IKZF1: variants seen among roughly 807,000 people sequenced by gnomAD.
IKZF1 encodes the protein IKAROS family zinc finger 1, also known as DNA-binding protein Ikaros.
IKZF1 carries 10 observed loss-of-function variants against 51.7 expected under a neutral mutation model. That is an observed-to-expected ratio of 0.19 (90% CI 0.12 to 0.33). The LOEUF is 0.33. Among genes scored for constraint, IKZF1 ranks in the 10% least tolerant of loss-of-function variants. IKZF1 has a pLI of 1.00. For synonymous variants in IKZF1, 280 were observed against 282.3 expected, an observed-to-expected ratio of 0.99 and a Z score of 0.08; for missense variants, 484 against 707.5, an observed-to-expected ratio of 0.68 and a Z score of 3.58.
chr7:50,331,770 G>A (rs1347815420), intron 3 of IKZF1, among the ~76,000 whole-genome samples: 2 of 152,336 alleles, frequency 1.3e-5, no homozygotes, highest in Admixed American at 1.3e-4. Flanking sequence ...TTGGGGAGAA[G>A]GAGACAGAGC....
chr7:50,363,144 G>A (rs1046012807), intron 3 of IKZF1, among the ~76,000 whole-genome samples: 2 of 152,202 alleles, frequency 1.3e-5, no homozygotes, highest in Non-Finnish European at 2.9e-5. Context: ...CTGGGTCTGG[G>A]GGAAAAGATG....
chr7:50,316,195 TC>T (rs1934535622), intron 1 of IKZF1, among the ~76,000 whole-genome samples: 1 of 152,118 alleles, frequency 6.6e-6, no homozygotes, highest in Non-Finnish European at 1.5e-5. Flanking sequence ...GCCACAGAAT[TC>T]ACAGGGCTCA....
At chr7:50,387,794 A>C (rs1020025107) in intron 6 of IKZF1, among the ~76,000 whole-genome samples, 6 of 152,264 alleles carry the variant, frequency 3.9e-5, no homozygotes, top group Non-Finnish European at 7.3e-5. Flanking sequence ...ACAACAACAA[A>C]AAAAACACCT....
chr7:50,320,406 A>C (rs1792881284), intron 2 of IKZF1, among the ~76,000 whole-genome samples: 1 of 152,236 alleles, frequency 6.6e-6, no homozygotes, highest in South Asian at 2.1e-4. Context: ...CATATTCATC[A>C]TCTCAAACAT....
rs11980379 is a variant in IKZF1 at position 50,402,283 on chromosome 7, T to C, written c.*1656T>C. ...CAACAGAGAGGAAATTGTACATAAG[T>C]ACCTCAGCATTTAATCCAAACAGGG... On this transcript the variant is annotated 3_prime_UTR_variant, in exon 8 of 8. Coordinates refer to ENST00000331340, the MANE Select transcript of IKZF1 (RefSeq NM_006060.6). The C allele has an allele frequency of 0.24, 55,551 of 230,314 alleles. 7,130 individuals are homozygous for C. The highest frequency in any genetic ancestry group is 0.29 in the South Asian group (1,587 of 5,518). 14.3% of individuals were successfully genotyped at this position (230,314 alleles called of 1,614,324 possible). A position where few individuals can be genotyped will look rare whatever the true frequency, so the allele number is the denominator to read the frequency against.
chr7:50,357,883 T>G (rs1358414314), intron 3 of IKZF1, among the ~76,000 whole-genome samples: 1 of 152,234 alleles, frequency 6.6e-6, no homozygotes, highest in Non-Finnish European at 1.5e-5. Context: ...CTGTCTTACC[T>G]GGTCTTAGGC....
intron 3 of IKZF1, among the ~76,000 whole-genome samples, chr7:50,334,612 A>G (rs1696761724): frequency 1.3e-5 from 2 of 148,994 alleles, no homozygotes; most frequent in Non-Finnish European, 1.5e-5. Context: ...TGTGTAGTGT[A>G]TGTGTGTGCT....
At chr7:50,334,965 G>T (rs1419251006) in intron 3 of IKZF1, among the ~76,000 whole-genome samples, 1 of 150,642 alleles carries the variant, frequency 6.6e-6, no homozygotes, top group Non-Finnish European at 1.5e-5. Flanking sequence ...TGTGGTGTGT[G>T]TGCAAGTAAT....
chr7:50,376,946 T>A lies in IKZF1; in HGVS notation c.421+153T>A. The A allele has an allele frequency of 7.7e-7, 1 of 1,303,238 alleles. No individual in the cohort carries two copies. The highest frequency in any genetic ancestry group is 1.0e-6 in the Non-Finnish European group (1 of 968,352). 80.7% of individuals were successfully genotyped at this position (1,303,238 alleles called of 1,614,324 possible). On this transcript the variant is annotated intron_variant, in intron 4 of 7. Coordinates refer to ENST00000331340, the MANE Select transcript of IKZF1 (RefSeq NM_006060.6). The surrounding 1 kb of genome is among the most constrained non-coding windows in gnomAD (Gnocchi z 4.5). Reference sequence around the variant, plus strand: ...GCGATTGGTTCCAAGTGGTACCGAGTCATAGAGTCCTTGTTCTGGTACAGC... The same window carrying A: ...GCGATTGGTTCCAAGTGGTACCGAGACATAGAGTCCTTGTTCTGGTACAGC...
intron 3 of IKZF1, among the ~76,000 whole-genome samples, chr7:50,355,452 A>G (rs908677485): frequency 6.6e-6 from 1 of 152,160 alleles, no homozygotes; most frequent in Admixed American, 6.5e-5. Context: ...CGAGAGCACA[A>G]GAGAGTCCTG....
At chr7:50,346,353 C>A (rs765212009) in intron 3 of IKZF1, among the ~76,000 whole-genome samples, 1 of 152,178 alleles carries the variant, frequency 6.6e-6, no homozygotes, top group Non-Finnish European at 1.5e-5. Flanking sequence ...GTTACAAAAG[C>A]CCTGAACTAA....
At chr7:50,353,169 C>G (rs933577174) in intron 3 of IKZF1, among the ~76,000 whole-genome samples, 1 of 152,212 alleles carries the variant, frequency 6.6e-6, no homozygotes, top group Non-Finnish European at 1.5e-5. Flanking sequence ...AGCCCAGGCA[C>G]AGGAGGCAGG....
rs1408545863 is a variant in IKZF1 at position 50,321,298 on chromosome 7, C to T, written c.40+2197C>T. Among the ~76,000 whole-genome samples the T allele has an allele frequency of 5.9e-5, 9 of 152,122 alleles. No individual in the cohort carries two copies. In the South Asian group the frequency reaches 6.2e-4, roughly 10 times the overall value. ...AACAAAAAAGCACAAAAACAAAAAA[C>T]GAGTTAAATGGGAAAAAAAGCAGTT... On this transcript the variant is annotated intron_variant, in intron 2 of 7. Coordinates refer to ENST00000331340, the MANE Select transcript of IKZF1 (RefSeq NM_006060.6).
chr7:50,359,459 G>A (rs1021253068), intron 3 of IKZF1, among the ~76,000 whole-genome samples: 2 of 152,194 alleles, frequency 1.3e-5, no homozygotes, highest in Admixed American at 6.5e-5. Context: ...CGCAGAGTGA[G>A]GAGGAGCTGA....
chr7:50,369,093 G>C, intron 3 of IKZF1: 1 of 230,036 alleles, frequency 4.3e-6, no homozygotes, highest in Non-Finnish European at 8.6e-6. Flanking sequence ...TAAAGCAATA[G>C]CTTGATACCT....
chr7:50,336,241 GC>G (rs1797743621), intron 3 of IKZF1, among the ~76,000 whole-genome samples: 1 of 152,132 alleles, frequency 6.6e-6, no homozygotes, highest in Non-Finnish European at 1.5e-5. Flanking sequence ...GAGGAGCCCT[GC>G]CTGGCCCCGG....
chr7:50,327,453 T>G, intron 2 of IKZF1, 185 bp from the exon 3 acceptor site: 1 of 553,264 alleles, frequency 1.8e-6, no homozygotes, highest in Non-Finnish European at 3.0e-6. Flanking sequence ...TGTTCTCTCA[T>G]TTGTATTGTG....
chr7:50,400,522 C>T lies in IKZF1; in HGVS notation c.1455C>T (p.Gly485=). Reference sequence around the variant, plus strand: ...ACACCATCCACATGGGCTGCCACGGCTTCCGTGATCCTTTTGAGTGCAACA... The same window carrying T: ...ACACCATCCACATGGGCTGCCACGGTTTCCGTGATCCTTTTGAGTGCAACA... ...VMYTIHMGCH[G]FRDPFECNMC... Residue 485 remains glycine, a synonymous_variant, in exon 8 of 8, where the codon GGC becomes GGT. Coordinates refer to ENST00000331340, the MANE Select transcript of IKZF1 (RefSeq NM_006060.6). The surrounding 1 kb of genome is among the most constrained non-coding windows in gnomAD (Gnocchi z 5.4). The T allele has an allele frequency of 7.4e-6, 12 of 1,614,130 alleles. No homozygotes were observed. The highest frequency in any genetic ancestry group is 1.0e-5 in the Non-Finnish European group (12 of 1,179,974).
intron 5 of IKZF1, among the ~76,000 whole-genome samples, chr7:50,386,426 G>A (rs1184458874): frequency 6.6e-6 from 1 of 152,210 alleles, no homozygotes; most frequent in Non-Finnish European, 1.5e-5. Context: ...GCTGGTGGCT[G>A]CCATATTGGA....
Sources: gnomAD v4.1 joint callset for allele counts (sites outside exome capture counted in the v4.1 genomes callset) on GRCh38, gnomAD v4.1.1 for gene constraint, Gnocchi (gnomAD v3.1) non-coding constraint, MANE v1.5 for transcripts, NCBI Gene and HGNC (gene_info 2026-07-23, HGNC 2026-07-21) for gene names.